CCDC174: variants seen among roughly 807,000 people sequenced by gnomAD.
The protein encoded by CCDC174 is coiled-coil domain containing 174, also known as coiled-coil domain-containing protein 174.
CCDC174 carries 37 observed loss-of-function variants against 57.1 expected under a neutral mutation model. The observed-to-expected ratio is 0.65, with a 90% CI of 0.50 to 0.85. The LOEUF (loss-of-function observed/expected upper bound fraction) is 0.85. Ranked by LOEUF, CCDC174 falls within the 40% of genes least tolerant of loss-of-function variation. The probability of loss-of-function intolerance (pLI) is 0.00; values close to 1 mark genes in which losing one functional copy is unlikely to be tolerated. For missense variants in CCDC174, 540 were observed against 574.3 expected (o/e 0.94, Z 0.61); for synonymous variants, 182 against 190.2 (o/e 0.96, Z 0.35).
At chr3:14,668,307 T>C in intron 9 of CCDC174, 126 bp downstream of exon 9, 1 of 925,272 alleles carries the variant, frequency 1.1e-6, no homozygotes, top group Non-Finnish European at 1.6e-6. Context: ...AGTATACCTT[T>C]GAGGTACTGG....
chr3:14,671,674 C>T lies in CCDC174; in HGVS notation c.*480C>T, dbSNP rs2031518112. 1.3e-5 allele frequency: 2 copies of T among 153,882 alleles called. No homozygotes were observed. Among genetic ancestry groups the T allele is most frequent in the South Asian group, 2.0e-4 (1 of 4,888 alleles). 9.5% of individuals were successfully genotyped at this position (153,882 alleles called of 1,614,324 possible). ...CATGGGAGGCAAAATGCTCTGTTCT[C>T]CAAGAGGACCCGGAAGTAATCACAT... is the stretch of plus-strand genomic sequence containing the variant. On this transcript the variant is annotated 3_prime_UTR_variant, in exon 11 of 11. Coordinates refer to ENST00000383794, the MANE Select transcript of CCDC174 (RefSeq NM_016474.5).
chr3:14,664,246 T>G (rs1013561135), intron 5 of CCDC174, among the ~76,000 whole-genome samples: 1 of 152,254 alleles, frequency 6.6e-6, no homozygotes. Flanking sequence ...TGAATTGGTC[T>G]GCCAGCTAGT....
intron 6 of CCDC174, among the ~76,000 whole-genome samples, chr3:14,665,723 G>A (rs1450493826): frequency 1.3e-5 from 2 of 152,104 alleles, no homozygotes; most frequent in African/African-American, 4.8e-5. Context: ...ATAGCCTTTG[G>A]CTTGGCATAA....
intron 3 of CCDC174, among the ~76,000 whole-genome samples, chr3:14,658,441 C>A (rs1274526149): frequency 1.3e-5 from 2 of 152,194 alleles, no homozygotes; most frequent in African/African-American, 4.8e-5. Context: ...ATGGTCTGTA[C>A]CACTGAAAAA....
intron 3 of CCDC174, among the ~76,000 whole-genome samples, chr3:14,656,805 A>G (rs919884348): frequency 6.6e-6 from 1 of 152,162 alleles, no homozygotes; most frequent in Non-Finnish European, 1.5e-5. Flanking sequence ...TTATTTTTCT[A>G]AAGAAAAGAC....
chr3:14,653,650 G>C (rs2030850974), intron 1 of CCDC174, among the ~76,000 whole-genome samples: 1 of 152,172 alleles, frequency 6.6e-6, no homozygotes, highest in Non-Finnish European at 1.5e-5. Flanking sequence ...CTGAGGGAAA[G>C]GTACTAATAT....
intron 6 of CCDC174, among the ~76,000 whole-genome samples, chr3:14,665,391 C>A (rs1265531505): frequency 1.3e-5 from 2 of 152,148 alleles, no homozygotes; most frequent in Non-Finnish European, 2.9e-5. Context: ...ACAGAATAAA[C>A]CCAAACGAAA....
At chr3:14,657,690 C>T (rs1004121799) in intron 3 of CCDC174, among the ~76,000 whole-genome samples, 2 of 152,234 alleles carry the variant, frequency 1.3e-5, no homozygotes, top group Admixed American at 6.5e-5. Flanking sequence ...CTATTTTGCT[C>T]AGCACCCTCT....
intron 1 of CCDC174, among the ~76,000 whole-genome samples, chr3:14,653,654 C>A (rs921837667): frequency 1.3e-5 from 2 of 152,166 alleles, no homozygotes; most frequent in Non-Finnish European, 2.9e-5. Context: ...GGGAAAGGTA[C>A]TAATATTCAC....
intron 5 of CCDC174, among the ~76,000 whole-genome samples, chr3:14,662,334 C>G (rs946604864): frequency 1.4e-5 from 2 of 146,046 alleles, no homozygotes; most frequent in East Asian, 4.0e-4. Flanking sequence ...TTTAACACCC[C>G]CCCGCCCCCC....
chr3:14,662,420 A>T (rs888794689), intron 5 of CCDC174, among the ~76,000 whole-genome samples: 6 of 136,924 alleles, frequency 4.4e-5, no homozygotes, highest in Non-Finnish European at 6.1e-5. Flanking sequence ...GTAAACTTTT[A>T]TTATTGTCAT....
chr3:14,652,126 C>T (rs895458103), intron 1 of CCDC174, among the ~76,000 whole-genome samples: 1 of 152,208 alleles, frequency 6.6e-6, no homozygotes, highest in African/African-American at 2.4e-5. Flanking sequence ...GGATCTGAAC[C>T]TGGTGTCCCG....
intron 2 of CCDC174, 43 bp from the exon 3 acceptor site, chr3:14,655,486 G>A: frequency 7.8e-7 from 1 of 1,279,322 alleles, no homozygotes. Context: ...AGATTTTTTG[G>A]CAATCATGTG....
intron 9 of CCDC174, among the ~76,000 whole-genome samples, chr3:14,669,256 A>G (rs2031443567): frequency 6.6e-6 from 1 of 152,182 alleles, no homozygotes; most frequent in African/African-American, 2.4e-5. Flanking sequence ...GCCATGGGCC[A>G]TTTCCTAATG....
intron 1 of CCDC174, among the ~76,000 whole-genome samples, chr3:14,652,793 T>G (rs945697222): frequency 4.6e-5 from 7 of 151,180 alleles, no homozygotes; most frequent in Non-Finnish European, 8.8e-5. Flanking sequence ...TCCCAGCTAC[T>G]CGGGAAGCTG....
chr3:14,654,059 T>A (rs1312579476), intron 1 of CCDC174, among the ~76,000 whole-genome samples: 1 of 152,270 alleles, frequency 6.6e-6, no homozygotes, highest in Non-Finnish European at 1.5e-5. Context: ...TAAGTTGTGA[T>A]GATGAAATGA....
At position 14,661,574 on chromosome 3, in the gene CCDC174, A is replaced by G. The variant is rs779543589; in HGVS notation, c.352A>G (p.Ile118Val). The change falls in exon 5 of 11, where the codon ATC becomes GTC. Residue 118 changes from isoleucine to valine, a missense_variant. Coordinates refer to ENST00000383794, the MANE Select transcript of CCDC174 (RefSeq NM_016474.5). ...DMYLVDFTQK[I>V]IDKRKEMEAS... ...GTACCTTGTGGATTTCACACAGAAG[A>G]TCATAGACAAGCGCAAAGAAATGGA... is the stretch of plus-strand genomic sequence containing the variant. The G allele has an allele frequency of 1.2e-6, 2 of 1,614,164 alleles. No individual in the cohort carries two copies. Among genetic ancestry groups the G allele is most frequent in the Admixed American group, 1.7e-5 (1 of 60,012 alleles).
intron 4 of CCDC174, among the ~76,000 whole-genome samples, chr3:14,659,151 G>A (rs1365245430): frequency 6.6e-6 from 1 of 152,166 alleles, no homozygotes; most frequent in African/African-American, 2.4e-5. Flanking sequence ...ACAAGTACTG[G>A]AAGCCAGATC....
At chr3:14,660,570 T>G (rs1322466301) in intron 4 of CCDC174, among the ~76,000 whole-genome samples, 3 of 152,200 alleles carry the variant, frequency 2.0e-5, no homozygotes, top group Non-Finnish European at 4.4e-5. Flanking sequence ...TTACTTATGT[T>G]GTTAATATAG....
Sources: gnomAD v4.1 joint callset for allele counts (sites outside exome capture counted in the v4.1 genomes callset) on GRCh38, gnomAD v4.1.1 for gene constraint, MANE v1.5 for transcripts, NCBI Gene and HGNC (gene_info 2026-07-23, HGNC 2026-07-21) for gene names.